The following MAP2K5 variants were observed in gnomAD, a reference collection of about 807,000 sequenced individuals.
MAP2K5 encodes dual specificity mitogen-activated protein kinase kinase 5.
Under a neutral mutation model 83.1 loss-of-function variants are expected in MAP2K5, and 49 were observed. The observed-to-expected ratio is 0.59, with a 90% CI of 0.47 to 0.75. The LOEUF is 0.75. MAP2K5 is among the 30% of genes least tolerant of loss of function. MAP2K5 has a pLI of 0.00. For missense variants in MAP2K5, 457 were observed against 557.5 expected (o/e 0.82, Z 1.82); for synonymous variants, 202 against 191.8 (o/e 1.05, Z -0.44).
At chr15:67,570,847 A>T (rs184607292) in intron 3 of MAP2K5, among the ~76,000 whole-genome samples, 8 of 152,350 alleles carry the variant, frequency 5.3e-5, no homozygotes, top group Admixed American at 4.6e-4. Context: ...TGACAACAGG[A>T]ATTTGAAAAT....
intron 6 of MAP2K5, among the ~76,000 whole-genome samples, chr15:67,591,778 G>C (rs1447840550): frequency 1.3e-5 from 2 of 151,972 alleles, no homozygotes; most frequent in African/African-American, 2.4e-5. Flanking sequence ...TATAAAGCTA[G>C]ATGACTTAAG....
At chr15:67,607,913 A>G (rs1213374559) in intron 8 of MAP2K5, among the ~76,000 whole-genome samples, 1 of 152,184 alleles carries the variant, frequency 6.6e-6, no homozygotes, top group Non-Finnish European at 1.5e-5. Flanking sequence ...TTTTCAGTCA[A>G]TTGAGTCTGG....
At chr15:67,739,605 C>T (rs2089447645) in intron 17 of MAP2K5, among the ~76,000 whole-genome samples, 1 of 149,174 alleles carries the variant, frequency 6.7e-6, no homozygotes, top group Non-Finnish European at 1.5e-5. Flanking sequence ...CTCAGCCGCC[C>T]TAGTAGCTGG....
chr15:67,720,379 GA>G lies in MAP2K5; in HGVS notation c.1045-7530del, dbSNP rs2088930863. ...ATATACACACTTACACACACACAAG[GA>G]AAAAAAGAAAATGATGTAAGTGAAA... On this transcript the variant is annotated intron_variant, in intron 16 of 21. Coordinates refer to ENST00000178640, the MANE Select transcript of MAP2K5 (RefSeq NM_145160.3). The surrounding 1 kb of genome is among the most constrained non-coding windows in gnomAD (Gnocchi z 5.7). Among the ~76,000 whole-genome samples, 1 of 151,798 alleles carries G rather than the reference GA, an allele frequency of 6.6e-6. No individual in the cohort carries two copies. Among genetic ancestry groups the G allele is most frequent in the African/African-American group, 2.4e-5 (1 of 41,378 alleles).
At chr15:67,711,388 G>A (rs1169400851) in intron 16 of MAP2K5, among the ~76,000 whole-genome samples, 2 of 152,200 alleles carry the variant, frequency 1.3e-5, no homozygotes, top group Non-Finnish European at 2.9e-5. Flanking sequence ...TTCCACTTCA[G>A]CCAGCCTAAG....
Position 67,722,175 on chromosome 15 carries a change from G to T in MAP2K5, c.1045-5741G>T, listed in dbSNP as rs987572740. 2.6e-5 allele frequency among the ~76,000 whole-genome samples: 4 copies of T among 151,958 alleles called. No individual in the cohort carries two copies. Among genetic ancestry groups the T allele is most frequent in the Non-Finnish European group, 5.9e-5 (4 of 67,996 alleles). On this transcript the variant is annotated intron_variant, in intron 16 of 21. Coordinates refer to ENST00000178640, the MANE Select transcript of MAP2K5 (RefSeq NM_145160.3). This position sits in a 1 kb window ranked among gnomAD's most constrained non-coding sequence, Gnocchi z 4.2. ...GTCACTTCATCAGTCTCTGTTACTCGCACTTATGCCCCTCCACAGGGGTTG... is the reference window on the plus strand; with the variant it reads ...GTCACTTCATCAGTCTCTGTTACTCTCACTTATGCCCCTCCACAGGGGTTG...
intron 16 of MAP2K5, among the ~76,000 whole-genome samples, chr15:67,713,804 A>T (rs911705488): frequency 7.2e-5 from 11 of 151,798 alleles, no homozygotes; most frequent in African/African-American, 1.7e-4. Flanking sequence ...GAGAAATTTG[A>T]TGGCGAGTTT....
intron 21 of MAP2K5, among the ~76,000 whole-genome samples, chr15:67,776,446 A>G (rs2090240594): frequency 6.6e-6 from 1 of 152,148 alleles, no homozygotes; most frequent in Non-Finnish European, 1.5e-5. Context: ...TCCATGGCTT[A>G]TGTGGGAAAA....
At chr15:67,663,610 C>G (rs956591409) in intron 12 of MAP2K5, among the ~76,000 whole-genome samples, 1 of 152,120 alleles carries the variant, frequency 6.6e-6, no homozygotes, top group African/African-American at 2.4e-5. Context: ...TGGTGACTCC[C>G]ACCTGTAGTC....
intron 16 of MAP2K5, among the ~76,000 whole-genome samples, chr15:67,723,335 T>A (rs1375595949): frequency 6.6e-6 from 1 of 152,220 alleles, no homozygotes; most frequent in Non-Finnish European, 1.5e-5. Context: ...CATATTCAAA[T>A]GCTGCTAACT....
In MAP2K5 at chr15:67,806,783, G is replaced by A; in HGVS notation, c.*33G>A. 6.3e-7 allele frequency: 1 copy of A among 1,588,514 alleles called. No individual in the cohort carries two copies. Among genetic ancestry groups the A allele is most frequent in the African/African-American group, 1.3e-5 (1 of 74,662 alleles). On this transcript the variant is annotated 3_prime_UTR_variant, in exon 22 of 22. Coordinates refer to ENST00000178640, the MANE Select transcript of MAP2K5 (RefSeq NM_145160.3). ...GCAGGGCACTGAAAGCCCAGGACCAGTAACCAAGGAGAACAACCCACCCGT... is the reference window on the plus strand; with the variant it reads ...GCAGGGCACTGAAAGCCCAGGACCAATAACCAAGGAGAACAACCCACCCGT...
rs1210387921 is a variant in MAP2K5, at chr15:67,595,651, A to T, written c.480+2677A>T. The stretch of plus-strand genomic sequence containing the variant: ...ATATTAAATCAAGCACTTTAAAAAA[A>T]GTTTAACACTTAGTCTTTGGAATGG... On this transcript the variant is annotated intron_variant, in intron 7 of 21. Coordinates refer to ENST00000178640, the MANE Select transcript of MAP2K5 (RefSeq NM_145160.3). Among the ~76,000 whole-genome samples, 6 of 152,372 alleles carry T rather than the reference A, an allele frequency of 3.9e-5. No individual in the cohort carries two copies. The East Asian group carries it at 1.2e-3, about 29-fold the overall frequency.
chr15:67,706,464 A>G (rs1214716269), intron 16 of MAP2K5, among the ~76,000 whole-genome samples: 2 of 152,192 alleles, frequency 1.3e-5, no homozygotes, highest in Admixed American at 1.3e-4. Flanking sequence ...TAGAGAGCAG[A>G]TAACCAGATG....
In MAP2K5 at chr15:67,692,557, G is replaced by C; in HGVS notation, c.921+5G>C. On this transcript the variant is annotated splice_donor_5th_base_variant and intron_variant, in intron 14 of 21. Transcript: ENST00000178640. Reference sequence around the variant, plus strand: ...GATTTTGGAGTTAGCACTCAGGTATGTCTCTTTTCCTCCCAGTGTACTGTT... The same window carrying C: ...GATTTTGGAGTTAGCACTCAGGTATCTCTCTTTTCCTCCCAGTGTACTGTT... The C allele has an allele frequency of 1.2e-6, 2 of 1,608,088 alleles. No individual in the cohort carries two copies. Among genetic ancestry groups the C allele is most frequent in the Non-Finnish European group, 1.7e-6 (2 of 1,174,840 alleles).
At position 67,565,667 on chromosome 15, in the gene MAP2K5, T is replaced by C. The variant is rs2084822027; in HGVS notation, c.252+2317T>C. On this transcript the variant is annotated intron_variant, in intron 3 of 21. Transcript: ENST00000178640. The surrounding 1 kb of genome is among the most constrained non-coding windows in gnomAD (Gnocchi z 4.1). ...ATTATTTTTGTGTTGTAGGAAAATA[T>C]GATTACATAATCTTACATTACATGT... Among the ~76,000 whole-genome samples, 2 of 152,276 alleles carry C rather than the reference T, an allele frequency of 1.3e-5. No homozygotes were observed. The highest frequency in any genetic ancestry group is 6.5e-5 in the Admixed American group (1 of 15,292).
Position 67,722,726 on chromosome 15 carries a change from C to T in MAP2K5, c.1045-5190C>T, listed in dbSNP as rs1266416151. Among the ~76,000 whole-genome samples the T allele has an allele frequency of 6.6e-6, 1 of 152,018 alleles. No homozygotes were observed. The highest frequency in any genetic ancestry group is 1.5e-5 in the Non-Finnish European group (1 of 67,992). On this transcript the variant is annotated intron_variant, in intron 16 of 21. Transcript: ENST00000178640. This position sits in a 1 kb window ranked among gnomAD's most constrained non-coding sequence, Gnocchi z 4.2. Reference sequence around the variant, plus strand: ...AGTTAAGTCTGATTTTTTAAAGTTTCCCTGTGTCTGAGTGTTCCAAAGTGG... The same window carrying T: ...AGTTAAGTCTGATTTTTTAAAGTTTTCCTGTGTCTGAGTGTTCCAAAGTGG...
In MAP2K5 at chr15:67,783,069, T is replaced by C. The variant is rs2090355952; in HGVS notation, c.1242+10317T>C. Among the ~76,000 whole-genome samples, 3 of 152,224 alleles carry C rather than the reference T, an allele frequency of 2.0e-5. No homozygotes were observed. The highest frequency in any genetic ancestry group is 2.0e-4 in the Admixed American group (3 of 15,284). ...GTATTGCAGAAGCCTTTTCTACTGTTGTGAGACATGGAGAGAAGCCGATGT... is the reference window on the plus strand; with the variant it reads ...GTATTGCAGAAGCCTTTTCTACTGTCGTGAGACATGGAGAGAAGCCGATGT... On this transcript the variant is annotated intron_variant, in intron 21 of 21. Transcript: ENST00000178640. The surrounding 1 kb of genome is among the most constrained non-coding windows in gnomAD (Gnocchi z 5.1).
chr15:67,575,508 G>C (rs977561433), intron 3 of MAP2K5, among the ~76,000 whole-genome samples: 6 of 152,178 alleles, frequency 3.9e-5, no homozygotes, highest in African/African-American at 1.4e-4. Flanking sequence ...CCTGCACAGG[G>C]TGTGAGCGAA....
At chr15:67,568,775 G>A (rs556328956) in intron 3 of MAP2K5, among the ~76,000 whole-genome samples, 1 of 152,168 alleles carries the variant, frequency 6.6e-6, no homozygotes, top group South Asian at 2.1e-4. Context: ...GGGAGGCTGA[G>A]GCGGGCGGAT....
Sources: allele counts gnomAD v4.1 joint callset (sites outside exome capture counted in the v4.1 genomes callset), GRCh38; gene constraint gnomAD v4.1.1; non-coding constraint Gnocchi (gnomAD v3.1); transcripts MANE v1.5; gene names NCBI Gene and HGNC (gene_info 2026-07-23, HGNC 2026-07-21).